CNTN4: variants seen among roughly 807,000 people sequenced by gnomAD.
The protein encoded by CNTN4 is contactin 4, also known as contactin-4.
CNTN4 carries 77 observed loss-of-function variants against 122.5 expected under a neutral mutation model. The observed-to-expected ratio is 0.63, with a 90% CI of 0.52 to 0.76. The LOEUF (loss-of-function observed/expected upper bound fraction) is 0.76. Among genes scored for constraint, CNTN4 ranks in the 30% least tolerant of loss-of-function variants. CNTN4 has a pLI of 0.00. For missense variants in CNTN4, 1,256 were observed against 1,259.1 expected, an observed-to-expected ratio of 1.00 and a Z score of 0.04; for synonymous variants, 512 against 447.0, an observed-to-expected ratio of 1.15 and a Z score of -1.83.
intron 2 of CNTN4, among the ~76,000 whole-genome samples, chr3:2,175,994 A>G (rs1359005517): frequency 6.6e-6 from 1 of 152,206 alleles, no homozygotes; most frequent in Non-Finnish European, 1.5e-5. Flanking sequence ...AATATGGTTT[A>G]TTCCATGTAT....
At chr3:2,173,743 A>G (rs1275239461) in intron 2 of CNTN4, among the ~76,000 whole-genome samples, 1 of 152,218 alleles carries the variant, frequency 6.6e-6, no homozygotes, top group Non-Finnish European at 1.5e-5. Context: ...TAGAAATAAT[A>G]ATAATAGTTT....
rs190377928 is a variant in CNTN4 at position 2,709,538 on chromosome 3, C to G, written c.56-26677C>G. Among the ~76,000 whole-genome samples the G allele has an allele frequency of 2.5e-4, 38 of 152,310 alleles. No individual in the cohort carries two copies. The highest frequency in any genetic ancestry group is 8.2e-4 in the African/African-American group (34 of 41,568). On this transcript the variant is annotated intron_variant, in intron 4 of 24. Transcript: ENST00000418658. This position sits in a 1 kb window ranked among gnomAD's most constrained non-coding sequence, Gnocchi z 5.0. ...CCTCAGGCTAAAGATTTATGCCAGACTTCTAGACCAGTCTCCTTTCCAATT... is the reference window on the plus strand; with the variant it reads ...CCTCAGGCTAAAGATTTATGCCAGAGTTCTAGACCAGTCTCCTTTCCAATT...
At chr3:2,423,143 A>G (rs1470986370) in intron 3 of CNTN4, among the ~76,000 whole-genome samples, 1 of 152,258 alleles carries the variant, frequency 6.6e-6, no homozygotes, top group East Asian at 1.9e-4. Flanking sequence ...GACTCCTAGA[A>G]GTGGTGTTCC....
At chr3:2,832,325 C>A (rs1160718453) in intron 7 of CNTN4, among the ~76,000 whole-genome samples, 2 of 152,172 alleles carry the variant, frequency 1.3e-5, no homozygotes, top group Non-Finnish European at 1.5e-5. Flanking sequence ...TGGGCCAAAA[C>A]AAAATGTTTT....
At chr3:2,867,723 G>T (rs1314977110) in intron 8 of CNTN4, among the ~76,000 whole-genome samples, 4 of 151,708 alleles carry the variant, frequency 2.6e-5, no homozygotes, top group Admixed American at 6.6e-5. Flanking sequence ...ATCTCTGCTT[G>T]CTCACCCTGC....
chr3:2,741,994 C>G (rs2089481090), intron 5 of CNTN4, among the ~76,000 whole-genome samples: 1 of 152,202 alleles, frequency 6.6e-6, no homozygotes, highest in Admixed American at 6.5e-5. Flanking sequence ...GGCAGTGTCT[C>G]TGTAACATAA....
chr3:2,901,962 G>GT (rs1335561172), intron 11 of CNTN4, among the ~76,000 whole-genome samples: 3 of 152,144 alleles, frequency 2.0e-5, no homozygotes, highest in Non-Finnish European at 4.4e-5. Flanking sequence ...TGAGACCAAT[G>GT]TAAGTTTCAA....
At chr3:2,609,303 G>A (rs914437618) in intron 4 of CNTN4, among the ~76,000 whole-genome samples, 1 of 152,182 alleles carries the variant, frequency 6.6e-6, no homozygotes, top group Non-Finnish European at 1.5e-5. Context: ...AGGACCCTTT[G>A]CCCTTCTGCC....
At chr3:2,123,896 A>C (rs2033961324) in intron 2 of CNTN4, among the ~76,000 whole-genome samples, 1 of 152,190 alleles carries the variant, frequency 6.6e-6, no homozygotes, top group Non-Finnish European at 1.5e-5. Context: ...AGCAGTGAAG[A>C]TGGTGCATGG....
At chr3:2,759,074 G>C (rs763978592) in intron 6 of CNTN4, among the ~76,000 whole-genome samples, 2 of 152,048 alleles carry the variant, frequency 1.3e-5, no homozygotes, top group South Asian at 4.2e-4. Context: ...AAATGAAATC[G>C]TAATATATGT....
chr3:2,713,993 A>G (rs1480940590), intron 4 of CNTN4, among the ~76,000 whole-genome samples: 2 of 152,196 alleles, frequency 1.3e-5, no homozygotes, highest in Non-Finnish European at 2.9e-5. Context: ...GAAGCCTGTC[A>G]TGGAGACATG....
rs193272568 is a variant in CNTN4 at position 2,474,565 on chromosome 3, T to G, written c.-88-96851T>G. Among the ~76,000 whole-genome samples, 18 of 152,218 alleles carry G rather than the reference T, an allele frequency of 1.2e-4. No homozygotes were observed. In the East Asian group the frequency reaches 3.3e-3, roughly 28 times the overall value. Reference sequence around the variant, plus strand: ...ATATATTTAACCCTAAACCACACAATGATGATGAAGGTGGTGGTTGTAGTA... The same window carrying G: ...ATATATTTAACCCTAAACCACACAAGGATGATGAAGGTGGTGGTTGTAGTA... On this transcript the variant is annotated intron_variant, in intron 3 of 24. Coordinates refer to ENST00000418658, the MANE Select transcript of CNTN4 (RefSeq NM_175607.3).
At chr3:2,871,240 T>C (rs750614313) in intron 8 of CNTN4, among the ~76,000 whole-genome samples, 2 of 152,252 alleles carry the variant, frequency 1.3e-5, no homozygotes, top group African/African-American at 2.4e-5. Context: ...CAGATAGTTA[T>C]TTTATGTGTC....
intron 2 of CNTN4, among the ~76,000 whole-genome samples, chr3:2,304,193 A>G (rs2042624377): frequency 6.6e-6 from 1 of 152,148 alleles, no homozygotes; most frequent in Non-Finnish European, 1.5e-5. Flanking sequence ...TTCTTTTACA[A>G]TATATTTTCT....
chr3:2,263,350 A>G (rs940222925), intron 2 of CNTN4, among the ~76,000 whole-genome samples: 1 of 152,142 alleles, frequency 6.6e-6, no homozygotes, highest in African/African-American at 2.4e-5. Flanking sequence ...TGGTATTTTT[A>G]TCATGTGAAA....
intron 4 of CNTN4, among the ~76,000 whole-genome samples, chr3:2,574,580 T>C (rs947399408): frequency 1.3e-5 from 2 of 152,186 alleles, no homozygotes; most frequent in African/African-American, 2.4e-5. Context: ...ACCAAAACTA[T>C]TGATGCCAGT....
At chr3:2,264,312 A>C (rs2040956035) in intron 2 of CNTN4, among the ~76,000 whole-genome samples, 1 of 151,986 alleles carries the variant, frequency 6.6e-6, no homozygotes. Context: ...AGCTGTTCTA[A>C]GTGGGGTGAG....
intron 2 of CNTN4, among the ~76,000 whole-genome samples, chr3:2,199,555 C>T (rs138027319): frequency 1.3e-3 from 201 of 152,204 alleles, no homozygotes; most frequent in Middle Eastern, 6.8e-3. Flanking sequence ...AATAATGATT[C>T]GTTATTATTT....
At chr3:2,229,960 T>G (rs1206785514) in intron 2 of CNTN4, among the ~76,000 whole-genome samples, 7 of 152,098 alleles carry the variant, frequency 4.6e-5, no homozygotes, top group Non-Finnish European at 8.8e-5. Context: ...TGTGAGGGAG[T>G]TATCAGGAAA....
Sources: gnomAD v4.1 joint callset for allele counts (sites outside exome capture counted in the v4.1 genomes callset) on GRCh38, gnomAD v4.1.1 for gene constraint, Gnocchi (gnomAD v3.1) non-coding constraint, MANE v1.5 for transcripts, NCBI Gene and HGNC (gene_info 2026-07-23, HGNC 2026-07-21) for gene names.